The following C12orf42 variants were observed in gnomAD, a reference collection of about 807,000 sequenced individuals.
C12orf42 encodes chromosome 12 open reading frame 42.
C12orf42 carries 25 observed loss-of-function variants against 21.6 expected under a neutral mutation model. The ratio of observed to expected loss-of-function variants is 1.16; its 90% CI spans 0.84 to 1.62. C12orf42 has a LOEUF of 1.62. Among genes scored for constraint, C12orf42 ranks in the 40% most tolerant of loss-of-function variants. The pLI is 0.00. For synonymous variants in C12orf42, 174 were observed against 175.0 expected (o/e 0.99, Z 0.05); for missense variants, 483 against 459.3 (o/e 1.05, Z -0.47).
At chr12:103,395,586 C>T (rs552646597) in intron 3 of C12orf42, among the ~76,000 whole-genome samples, 2 of 152,134 alleles carry the variant, frequency 1.3e-5, no homozygotes, top group Non-Finnish European at 2.9e-5. Context: ...CTGCCCGCCT[C>T]GGCCTCCCAA....
chr12:103,411,751 C>T (rs1434077146), intron 2 of C12orf42, among the ~76,000 whole-genome samples: 4 of 152,180 alleles, frequency 2.6e-5, no homozygotes, highest in Non-Finnish European at 4.4e-5. Flanking sequence ...TCCAGGACTA[C>T]GAGCAATAAA....
the C12orf42 span, among the ~76,000 whole-genome samples, chr12:103,100,030 T>G: frequency 0.01 from 1,574 of 152,360 alleles, 8 homozygotes; most frequent in South Asian, 0.019. Flanking sequence ...AATTTTTTTG[T>G]TTTGCTCAAA....
intron 5 of C12orf42, among the ~76,000 whole-genome samples, chr12:103,305,423 A>G (rs1183956434): frequency 6.6e-6 from 1 of 152,206 alleles, no homozygotes; most frequent in African/African-American, 2.4e-5. Flanking sequence ...TTTTTTACAG[A>G]TGAAAAAACT....
the C12orf42 span, chr12:103,162,854 C>T: frequency 1.3e-5 from 2 of 152,182 alleles, no homozygotes; most frequent in African/African-American, 4.8e-5. Context: ...CCTAGCAGCA[C>T]GGCTGCTTTT....
At chr12:103,189,654 G>A in the C12orf42 span, among the ~76,000 whole-genome samples, 1 of 152,138 alleles carries the variant, frequency 6.6e-6, no homozygotes, top group African/African-American at 2.4e-5. Flanking sequence ...TAGGTAAAAT[G>A]AACATCCAAC....
At chr12:103,284,636 C>G (rs1350154840) in intron 4 of C12orf42, among the ~76,000 whole-genome samples, 14 of 152,128 alleles carry the variant, frequency 9.2e-5, no homozygotes. Flanking sequence ...ATCGCTAATA[C>G]CAAGAGCAAT....
chr12:103,339,673 AT>A (rs1317879453), intron 4 of C12orf42, among the ~76,000 whole-genome samples: 2 of 152,256 alleles, frequency 1.3e-5, no homozygotes, highest in African/African-American at 4.8e-5. Context: ...AATGGCTATT[AT>A]TAAAAAGTCA....
At chr12:103,090,630 T>A in the C12orf42 span, among the ~76,000 whole-genome samples, 1 of 152,196 alleles carries the variant, frequency 6.6e-6, no homozygotes, top group East Asian at 1.9e-4. Flanking sequence ...CAATTCCACC[T>A]ATGATCCAAG....
chr12:103,320,669 T>C (rs972613318), intron 4 of C12orf42, among the ~76,000 whole-genome samples: 6 of 152,122 alleles, frequency 3.9e-5, no homozygotes, highest in Non-Finnish European at 8.8e-5. Flanking sequence ...ATATTAGAGA[T>C]ATGGGGTTCT....
At chr12:103,259,451 G>A (rs908543078) in intron 10 of C12orf42, among the ~76,000 whole-genome samples, 2 of 152,012 alleles carry the variant, frequency 1.3e-5, no homozygotes, top group Non-Finnish European at 2.9e-5. Context: ...GCTAATTTTC[G>A]TATTTTTAGT....
At chr12:103,395,336 C>CTT (rs35914185) in intron 3 of C12orf42, among the ~76,000 whole-genome samples, 24 of 138,306 alleles carry the variant, frequency 1.7e-4, no homozygotes, top group East Asian at 1.7e-3. Flanking sequence ...ACCCATTATT[C>CTT]TTTTTTTTTT....
the C12orf42 span, among the ~76,000 whole-genome samples, chr12:103,125,844 A>C: frequency 1.3e-5 from 2 of 152,348 alleles, no homozygotes; most frequent in East Asian, 3.9e-4. Flanking sequence ...TCACCATAAC[A>C]GAAACACTAA....
intron 2 of C12orf42, among the ~76,000 whole-genome samples, chr12:103,406,100 A>G (rs1451402424): frequency 6.6e-6 from 1 of 152,206 alleles, no homozygotes; most frequent in Non-Finnish European, 1.5e-5. Context: ...TCATAGGCAA[A>G]GGCATTTAAA....
the C12orf42 span, among the ~76,000 whole-genome samples, chr12:103,543,612 C>CAA: frequency 2.1e-5 from 3 of 143,002 alleles, no homozygotes; most frequent in African/African-American, 5.1e-5. Context: ...GAATCTGTCT[C>CAA]AAAAAAAAAA....
chr12:103,218,841 A>T, the C12orf42 span, among the ~76,000 whole-genome samples: 1 of 152,252 alleles, frequency 6.6e-6, no homozygotes, highest in African/African-American at 2.4e-5. Flanking sequence ...AAAAAATAAA[A>T]AAATCTTAGC....
intron 4 of C12orf42, among the ~76,000 whole-genome samples, chr12:103,366,517 G>C (rs2044616289): frequency 6.6e-6 from 1 of 152,030 alleles, no homozygotes; most frequent in Non-Finnish European, 1.5e-5. Context: ...AGTCAGCAGA[G>C]TAAACAGACA....
chr12:103,370,666 G>A (rs1593661314), intron 3 of C12orf42, among the ~76,000 whole-genome samples: 1 of 152,018 alleles, frequency 6.6e-6, no homozygotes, highest in East Asian at 1.9e-4. Flanking sequence ...ACTTATAAGT[G>A]GAAGCTAAAA....
the C12orf42 span, among the ~76,000 whole-genome samples, chr12:103,218,275 G>C: frequency 2.2e-5 from 3 of 135,692 alleles, no homozygotes; most frequent in Admixed American, 1.5e-4. Context: ...AATGAACTCC[G>C]CTTCAAAAAA....
chr12:103,413,524 T>C (rs555145039), intron 2 of C12orf42, among the ~76,000 whole-genome samples: 33 of 152,190 alleles, frequency 2.2e-4, no homozygotes, highest in African/African-American at 7.9e-4. Context: ...CAGGTGGTGT[T>C]TGGTTTTATG....
Sources: allele counts gnomAD v4.1 joint callset (sites outside exome capture counted in the v4.1 genomes callset), GRCh38; gene constraint gnomAD v4.1.1; transcripts MANE v1.5; gene names NCBI Gene and HGNC (gene_info 2026-07-23, HGNC 2026-07-21).